Variants in ATP8B3 observed in about 807,000 individuals in gnomAD.
ATP8B3 encodes phospholipid-transporting ATPase IK.
A neutral mutation model predicts 140.9 loss-of-function variants in ATP8B3; 141 were observed. That is an observed-to-expected ratio of 1.00 (90% CI 0.87 to 1.15). The LOEUF is 1.15. ATP8B3 is among the 50% of genes most tolerant of loss of function. ATP8B3 has a pLI of 0.00. For missense variants in ATP8B3, 1,874 were observed against 1,740.6 expected (o/e 1.08, Z -1.36); for synonymous variants, 765 against 714.6 (o/e 1.07, Z -1.13).
At chr19:1,802,748 C>G (rs1373947606) in intron 10 of ATP8B3, 103 bp from the exon 11 acceptor site, 25 of 1,369,568 alleles carry the variant, frequency 1.8e-5, no homozygotes, top group Non-Finnish European at 2.5e-5. Context: ...CCTCACGAGC[C>G]CCTCTGTGCC....
chr19:1,808,245 A>C lies in ATP8B3; in HGVS notation c.493T>G (p.Phe165Val). The C allele has an allele frequency of 3.1e-6, 5 of 1,612,436 alleles. No homozygotes were observed. The highest frequency in any genetic ancestry group is 2.2e-5 in the South Asian group (2 of 91,014). ...EQFHRVSNLFFLIIIILQSIP... is the reference protein window; with the variant it reads ...EQFHRVSNLFVLIIIILQSIP... ...ACCTGCAGGATGATGATGATGAGGA[A>C]GAACAGGTTGGACACGCGGTGGAAC... Residue 165 changes from phenylalanine to valine, a missense_variant, in exon 5 of 29, where the codon TTC (phenylalanine) becomes GTC (valine). Physicochemically the swap from Phe to Val is conservative, Grantham distance 50. Coordinates refer to ENST00000310127, the MANE Select transcript of ATP8B3 (RefSeq NM_138813.4).
intron 2 of ATP8B3, among the ~76,000 whole-genome samples, 159 bp downstream of exon 2, chr19:1,811,330 C>T (rs1672851031): frequency 6.6e-6 from 1 of 152,222 alleles, no homozygotes; most frequent in Admixed American, 6.5e-5. Context: ...GGGTCTGGCT[C>T]TAGCCCTGCA....
rs914940041 is a variant in ATP8B3, at chr19:1,796,128, C to T, written c.1891G>A (p.Val631Ile). The change falls in exon 17 of 29, where the codon GTC becomes ATC. Residue 631 changes from valine to isoleucine, a missense_variant. Val to Ile is a conservative substitution (Grantham distance 29, BLOSUM62 3). This residue lies in a region of ATP8B3 where 1,032 missense variants were observed against 963.6 expected (regional missense o/e 1.07). Transcript: ENST00000310127. ...MELGEERVYQVLAIMDFNSTR... is the reference protein window; with the variant it reads ...MELGEERVYQILAIMDFNSTR... Reference sequence around the variant, plus strand: ...CTGTTGAAGTCCATTATGGCCAGGACCTGGTAGACCCGTTCCTCCCCCAGC... The same window carrying T: ...CTGTTGAAGTCCATTATGGCCAGGATCTGGTAGACCCGTTCCTCCCCCAGC... 1.9e-6 allele frequency: 3 copies of T among 1,612,902 alleles called. No individual in the cohort carries two copies. In the African/African-American group the frequency reaches 4.0e-5, roughly 22 times the overall value.
chr19:1,812,138 T>C (rs2069206984), intron 1 of ATP8B3, 48 bp downstream of exon 1: 1 of 174,210 alleles, frequency 5.7e-6, no homozygotes, highest in Admixed American at 6.3e-5. Context: ...CCAGAGAGGG[T>C]GCGCGGGCTC....
intron 18 of ATP8B3, among the ~76,000 whole-genome samples, chr19:1,792,925 A>G (rs2068559838): frequency 8.0e-6 from 1 of 125,474 alleles, no homozygotes; most frequent in South Asian, 2.5e-4. Context: ...AAAAAAAAAA[A>G]AAAAGAAAAG....
chr19:1,808,396 T>C, intron 4 of ATP8B3, 61 bp from the exon 5 acceptor site: 1 of 1,330,140 alleles, frequency 7.5e-7, no homozygotes, highest in Non-Finnish European at 1.1e-6. Context: ...GGGATGGGGG[T>C]GCCCGAGGCC....
At position 1,796,271 on chromosome 19, in the gene ATP8B3, A is replaced by G. The variant is rs2145189440; in HGVS notation, c.1754-6T>C. On this transcript the variant is annotated splice_polypyrimidine_tract_variant and splice_region_variant and intron_variant, in intron 16 of 28. Coordinates refer to ENST00000310127, the MANE Select transcript of ATP8B3 (RefSeq NM_138813.4). ...CGCCTGGTACAACAGCTGGTCTGGTAGGGAGGGGGGCCATTTTGGGGTCAC... is the reference window on the plus strand; with the variant it reads ...CGCCTGGTACAACAGCTGGTCTGGTGGGGAGGGGGGCCATTTTGGGGTCAC... The G allele has an allele frequency of 6.2e-7, 1 of 1,603,106 alleles. No individual in the cohort carries two copies. Among genetic ancestry groups the G allele is most frequent in the African/African-American group, 1.3e-5 (1 of 74,850 alleles).
rs1248089556 is a variant in ATP8B3 at position 1,801,942 on chromosome 19, T to A, written c.1152+14A>T. Reference sequence around the variant, plus strand: ...TCTGTGTTCCTGGGGCAGGGGCACTTGTTGGCAGCTCACCACAACCACCAG... The same window carrying A: ...TCTGTGTTCCTGGGGCAGGGGCACTAGTTGGCAGCTCACCACAACCACCAG... On this transcript the variant is annotated intron_variant, in intron 12 of 28. Coordinates refer to ENST00000310127, the MANE Select transcript of ATP8B3 (RefSeq NM_138813.4). 19 of 1,605,360 alleles carry A rather than the reference T, an allele frequency of 1.2e-5. No homozygotes were observed. Among genetic ancestry groups the A allele is most frequent in the Non-Finnish European group, 1.6e-5 (19 of 1,173,318 alleles).
rs34098818 is a variant in ATP8B3 at position 1,789,086 on chromosome 19, C to T, written c.2880G>A (p.Glu960=). 11,216 of 1,581,044 alleles carry T rather than the reference C, an allele frequency of 7.1e-3. 50 individuals carry two copies. The highest frequency in any genetic ancestry group is 8.7e-3 in the Non-Finnish European group (10,145 of 1,169,612). ...CGCTGTTCTGAACTGCCTGCATGCC[C>T]TCCTGGCCCGCCAGCCCCACGCCCA... The part of the protein sequence containing the change: ...ADVGVGLAGQ[E]GMQAVQNSDF... The change falls in exon 24 of 29, where the codon GAG becomes GAA. Residue 960 remains glutamate, a synonymous_variant. Transcript: ENST00000310127.
chr19:1,788,804 C>A, intron 24 of ATP8B3, 93 bp downstream of exon 24: 2 of 1,234,194 alleles, frequency 1.6e-6, no homozygotes, highest in Non-Finnish European at 2.3e-6. Flanking sequence ...TCCCAGGGTT[C>A]TCAGTGCGTC....
chr19:1,808,363 C>T lies in ATP8B3; in HGVS notation c.403-28G>A, dbSNP rs369780682. The T allele has an allele frequency of 8.9e-5, 139 of 1,565,994 alleles. No homozygotes were observed. In the African/African-American group the frequency reaches 1.6e-3, roughly 18 times the overall value. On this transcript the variant is annotated intron_variant, in intron 4 of 28. Coordinates refer to ENST00000310127, the MANE Select transcript of ATP8B3 (RefSeq NM_138813.4). ...GGAACGAGAGCCGCGGGCTGCCTGG[C>T]AGAGGGGTGCCATCCAGGCCAGGGG... is the stretch of plus-strand genomic sequence containing the variant.
At position 1,783,222 on chromosome 19, in the gene ATP8B3, G is replaced by T. The variant is rs1476139820; in HGVS notation, c.3709C>A (p.Pro1237Thr). 1 of 1,612,048 alleles carries T rather than the reference G, an allele frequency of 6.2e-7. No homozygotes were observed. The highest frequency in any genetic ancestry group is 1.1e-5 in the South Asian group (1 of 90,734). ...GPSEEIFTME[P>T]LPHVHRESRA... Reference sequence around the variant, plus strand: ...GACTCCCGGTGTACATGAGGCAAGGGCTCCATGGTGAAAATCTCCTCGCTG... The same window carrying T: ...GACTCCCGGTGTACATGAGGCAAGGTCTCCATGGTGAAAATCTCCTCGCTG... Residue 1237 changes from proline to threonine, a missense_variant, in exon 29 of 29, where the codon CCC becomes ACC. Transcript: ENST00000310127.
At position 1,800,534 on chromosome 19, in the gene ATP8B3, C is replaced by A. The variant is rs373738507; in HGVS notation, c.1153-85G>T. 3.9e-6 allele frequency: 5 copies of A among 1,266,708 alleles called. No homozygotes were observed. The highest frequency in any genetic ancestry group is 3.9e-4 in the Middle Eastern group (2 of 5,168). The allele number at this position is 1,266,708 out of a possible 1,614,324, so 78.5% of individuals were successfully genotyped here. A position where few individuals can be genotyped will look rare whatever the true frequency, so the allele number is the denominator to read the frequency against. On this transcript the variant is annotated intron_variant, in intron 12 of 28. Transcript: ENST00000310127. This position sits in a 1 kb window ranked among gnomAD's most constrained non-coding sequence, Gnocchi z 4.4. The stretch of plus-strand genomic sequence containing the variant: ...GGATGGGGTAAACACAAAGATAAGG[C>A]TGGGGCTGGGCACAGTGGCTCATGC...
At chr19:1,797,272 C>T (rs1469286910) in intron 14 of ATP8B3, among the ~76,000 whole-genome samples, 2 of 151,720 alleles carry the variant, frequency 1.3e-5, no homozygotes, top group Non-Finnish European at 2.9e-5. Flanking sequence ...GATGCGGCCC[C>T]GTCCCGTCTC....
Position 1,800,539 on chromosome 19 carries a change from G to T in ATP8B3, c.1153-90C>A. On this transcript the variant is annotated intron_variant, in intron 12 of 28. Coordinates refer to ENST00000310127, the MANE Select transcript of ATP8B3 (RefSeq NM_138813.4). This position sits in a 1 kb window ranked among gnomAD's most constrained non-coding sequence, Gnocchi z 4.4. ...GGGTAAACACAAAGATAAGGCTGGG[G>T]CTGGGCACAGTGGCTCATGCCTGTA... The T allele has an allele frequency of 7.4e-6, 9 of 1,218,486 alleles. No individual in the cohort carries two copies. The highest frequency in any genetic ancestry group is 1.5e-5 in the African/African-American group (1 of 66,044). The allele number at this position is 1,218,486 out of a possible 1,614,324, so 75.5% of individuals were successfully genotyped here. A position where few individuals can be genotyped will look rare whatever the true frequency, so the allele number is the denominator to read the frequency against.
rs551901519 is a variant in ATP8B3 at position 1,794,025 on chromosome 19, C to A, written c.2055+1850G>T. Among the ~76,000 whole-genome samples, 7 of 150,906 alleles carry A rather than the reference C, an allele frequency of 4.6e-5. No homozygotes were observed. The East Asian group carries it at 1.2e-3, about 26-fold the overall frequency. On this transcript the variant is annotated intron_variant, in intron 18 of 28. Coordinates refer to ENST00000310127, the MANE Select transcript of ATP8B3 (RefSeq NM_138813.4). This position sits in a 1 kb window ranked among gnomAD's most constrained non-coding sequence, Gnocchi z 4.8. ...CACTGGGATTACAGGCGTGAGCCAT[C>A]GCGCCAGCCTGTTTATTAAGAGACA...
intron 18 of ATP8B3, among the ~76,000 whole-genome samples, chr19:1,795,527 G>C (rs1206469468): frequency 6.6e-6 from 1 of 152,092 alleles, no homozygotes; most frequent in African/African-American, 2.4e-5. Context: ...CTCCAGCCTG[G>C]GCGACAGAGC....
At position 1,796,740 on chromosome 19, in the gene ATP8B3, A is replaced by G. The variant is rs750190350; in HGVS notation, c.1724T>C (p.Met575Thr). The change falls in exon 16 of 29, where the codon ATG (methionine) becomes ACG (threonine). Residue 575 changes from methionine (M) to threonine (T), a missense_variant. Physicochemically the swap from Met to Thr is moderately conservative, Grantham distance 81. This residue lies in a region of ATP8B3 where 1,032 missense variants were observed against 963.6 expected (regional missense o/e 1.07). Coordinates refer to ENST00000310127, the MANE Select transcript of ATP8B3 (RefSeq NM_138813.4). ...WRLLAICHTV[M>T]VRESPRERPD... The stretch of plus-strand genomic sequence containing the variant: ...GCGCTCACGGGGGCTCTCCCGCACC[A>G]TCACCGTGTGGCAGATGGCCAGCAG... 2 of 1,611,910 alleles carry G rather than the reference A, an allele frequency of 1.2e-6. No homozygotes were observed. The highest frequency in any genetic ancestry group is 8.5e-7 in the Non-Finnish European group (1 of 1,179,564).
At chr19:1,802,073 AC>A in intron 11 of ATP8B3, 29 bp from the exon 12 acceptor site, 1 of 848,964 alleles carries the variant, frequency 1.2e-6, no homozygotes, top group South Asian at 2.3e-5. Flanking sequence ...CTATCCACCC[AC>A]CCACCCACCC....
Sources: allele counts gnomAD v4.1 joint callset (sites outside exome capture counted in the v4.1 genomes callset), GRCh38; gene constraint gnomAD v4.1.1; regional missense constraint gnomAD v4.1.1; non-coding constraint Gnocchi (gnomAD v3.1); transcripts MANE v1.5; gene names NCBI Gene and HGNC (gene_info 2026-07-23, HGNC 2026-07-21).